The following LUZP2 variants were observed in gnomAD, a reference collection of about 807,000 sequenced individuals.
LUZP2 encodes leucine zipper protein 2.
In LUZP2, 52 loss-of-function variants were observed where a neutral mutation model predicts 51.6. The observed-to-expected ratio is 1.01, with a 90% CI of 0.81 to 1.27. The LOEUF (loss-of-function observed/expected upper bound fraction) is 1.27. Among genes scored for constraint, LUZP2 ranks in the 50% most tolerant of loss-of-function variants. LUZP2 has a pLI of 0.00. For synonymous variants in LUZP2, 154 were observed against 137.3 expected, an observed-to-expected ratio of 1.12 and a Z score of -0.85; for missense variants, 436 against 395.4, an observed-to-expected ratio of 1.10 and a Z score of -0.87.
intron 9 of LUZP2, among the ~76,000 whole-genome samples, chr11:24,991,142 C>T (rs1856321380): frequency 6.6e-6 from 1 of 151,682 alleles, no homozygotes; most frequent in African/African-American, 2.4e-5. Flanking sequence ...CACCTGAGTC[C>T]CCAAAGTCCT....
intron 9 of LUZP2, among the ~76,000 whole-genome samples, chr11:25,024,714 A>T (rs980175114): frequency 6.6e-5 from 10 of 151,722 alleles, no homozygotes; most frequent in Admixed American, 1.3e-4. Flanking sequence ...AAAATGGCCA[A>T]ACTGCCCAAG....
chr11:25,043,615 T>C (rs1858150130), intron 9 of LUZP2, among the ~76,000 whole-genome samples: 1 of 151,648 alleles, frequency 6.6e-6, no homozygotes, highest in Non-Finnish European at 1.5e-5. Flanking sequence ...AATTACTCCA[T>C]CTTCTAGTAA....
At chr11:24,790,322 GC>G (rs1849372947) in intron 5 of LUZP2, among the ~76,000 whole-genome samples, 3 of 151,978 alleles carry the variant, frequency 2.0e-5, no homozygotes. Flanking sequence ...ACTCCCTACT[GC>G]CAAGTCAAAA....
intron 5 of LUZP2, among the ~76,000 whole-genome samples, chr11:24,833,756 GAA>G (rs930889913): frequency 2.0e-5 from 3 of 150,678 alleles, no homozygotes; most frequent in Non-Finnish European, 4.4e-5. Flanking sequence ...CAAACAAACA[GAA>G]AAACCTGCAA....
chr11:24,726,579 T>C (rs1310203024), intron 1 of LUZP2, among the ~76,000 whole-genome samples: 1 of 152,112 alleles, frequency 6.6e-6, no homozygotes, highest in Admixed American at 6.6e-5. Flanking sequence ...TTTACACTTT[T>C]AGAAACTTAT....
At chr11:24,900,429 G>A (rs747416596) in intron 5 of LUZP2, among the ~76,000 whole-genome samples, 10 of 152,102 alleles carry the variant, frequency 6.6e-5, no homozygotes, top group Non-Finnish European at 1.5e-4. Context: ...TGACCTTGCA[G>A]CATGTTTGTT....
intron 1 of LUZP2, among the ~76,000 whole-genome samples, chr11:24,683,792 C>G (rs1856817859): frequency 6.6e-6 from 1 of 152,192 alleles, no homozygotes. Flanking sequence ...GCTGACTCAT[C>G]TCACTTCCTT....
At position 24,909,158 on chromosome 11, in the gene LUZP2, A is replaced by G. The variant is rs545851841; in HGVS notation, c.459+3105A>G. Among the ~76,000 whole-genome samples the G allele has an allele frequency of 7.3e-5, 11 of 151,400 alleles. 1 individual carries two copies. In the South Asian group the frequency reaches 2.3e-3, roughly 31 times the overall value. ...TAAAACATTTTTTAAAAATATATAT[A>G]TATATAATTATAGCAAAGCTCAAAA... On this transcript the variant is annotated intron_variant, in intron 6 of 11. Transcript: ENST00000336930.
At chr11:24,698,709 CT>C (rs1213148529) in intron 1 of LUZP2, among the ~76,000 whole-genome samples, 1 of 152,102 alleles carries the variant, frequency 6.6e-6, no homozygotes, top group Non-Finnish European at 1.5e-5. Context: ...CTTCTAGCAA[CT>C]TGATGCAGTT....
chr11:25,032,768 G>A (rs11823079), intron 9 of LUZP2, among the ~76,000 whole-genome samples: 87,939 of 151,986 alleles, frequency 0.58, 26,532 homozygotes, highest in African/African-American at 0.75. Flanking sequence ...TTATTCAAGA[G>A]ATATGAATTC....
At chr11:24,819,821 A>G (rs1004192255) in intron 5 of LUZP2, among the ~76,000 whole-genome samples, 1 of 152,118 alleles carries the variant, frequency 6.6e-6, no homozygotes, top group Non-Finnish European at 1.5e-5. Context: ...ACAGTTGTGT[A>G]CATTTAAATG....
intron 5 of LUZP2, among the ~76,000 whole-genome samples, chr11:24,823,914 T>G (rs1016956543): frequency 3.3e-5 from 5 of 151,554 alleles, no homozygotes; most frequent in African/African-American, 1.2e-4. Flanking sequence ...ATACAAAAAA[T>G]TAGCCAGGTG....
intron 1 of LUZP2, among the ~76,000 whole-genome samples, chr11:24,670,561 C>T (rs1192127285): frequency 6.6e-6 from 1 of 151,916 alleles, no homozygotes; most frequent in Admixed American, 6.6e-5. Context: ...AGAGTTCTTT[C>T]TAATAGGCTG....
At chr11:24,727,996 T>C (rs1858545488) in intron 1 of LUZP2, among the ~76,000 whole-genome samples, 2 of 152,056 alleles carry the variant, frequency 1.3e-5, no homozygotes, top group African/African-American at 4.8e-5. Flanking sequence ...AAATTATATA[T>C]GTATATATTT....
intron 7 of LUZP2, among the ~76,000 whole-genome samples, chr11:24,916,983 T>A (rs566610713): frequency 3.3e-5 from 5 of 152,156 alleles, no homozygotes; most frequent in Non-Finnish European, 7.3e-5. Flanking sequence ...CTCCACATCC[T>A]CTCCAGCACC....
intron 4 of LUZP2, chr11:24,751,611 C>T (rs1400306184): frequency 1.0e-6 from 1 of 980,924 alleles, no homozygotes; most frequent in East Asian, 1.1e-4. Flanking sequence ...TCTATGCTTT[C>T]AAAGTTTTCT....
chr11:24,569,327 A>G (rs546461971), intron 1 of LUZP2, among the ~76,000 whole-genome samples: 1 of 152,240 alleles, frequency 6.6e-6, no homozygotes, highest in South Asian at 2.1e-4. Context: ...TAAAAATGGT[A>G]TATTAAATCC....
chr11:24,991,088 AC>A (rs1250339196), intron 9 of LUZP2, among the ~76,000 whole-genome samples: 1 of 151,976 alleles, frequency 6.6e-6, no homozygotes, highest in Non-Finnish European at 1.5e-5. Flanking sequence ...TATACACTGC[AC>A]CCTATTTGTA....
chr11:24,926,538 T>C (rs1854272567), intron 7 of LUZP2, among the ~76,000 whole-genome samples: 1 of 147,906 alleles, frequency 6.8e-6, no homozygotes, highest in African/African-American at 2.5e-5. Context: ...TGTGTGTATA[T>C]ATATACGTGT....
Sources: allele counts gnomAD v4.1 joint callset (sites outside exome capture counted in the v4.1 genomes callset), GRCh38; gene constraint gnomAD v4.1.1; transcripts MANE v1.5; gene names NCBI Gene and HGNC (gene_info 2026-07-23, HGNC 2026-07-21).